Variants in PCLO observed in about 807,000 individuals in gnomAD.
PCLO encodes the protein piccolo presynaptic cytomatrix protein.
PCLO carries 82 observed loss-of-function variants against 427.5 expected under a neutral mutation model. The ratio of observed to expected loss-of-function variants is 0.19; its 90% CI spans 0.16 to 0.23. The LOEUF is 0.23. PCLO is among the 10% of genes least tolerant of loss of function. The pLI, the probability that PCLO is intolerant of heterozygous loss-of-function variation, is 1.00. For synonymous variants in PCLO, 2,357 were observed against 2,155.4 expected (o/e 1.09, Z -2.59); for missense variants, 6,239 against 6,115.9 (o/e 1.02, Z -0.67).
intron 3 of PCLO, among the ~76,000 whole-genome samples, chr7:83,034,339 C>A (rs1325951771): frequency 6.6e-6 from 1 of 152,130 alleles, no homozygotes; most frequent in Admixed American, 6.6e-5. Context: ...CAGGCATGCA[C>A]AACCACACCG....
chr7:83,155,720 C>T lies in PCLO; in HGVS notation c.921G>A (p.Gln307=), dbSNP rs1792274888. 6.2e-7 allele frequency: 1 copy of T among 1,613,768 alleles called. No homozygotes were observed. The highest frequency in any genetic ancestry group is 1.3e-5 in the African/African-American group (1 of 74,890). The change falls in exon 2 of 25, where the codon CAG becomes CAA. Residue 307 remains glutamine, a synonymous_variant. Coordinates refer to ENST00000333891, the MANE Select transcript of PCLO (RefSeq NM_033026.6). ...CTGGAGGTTTTCCAGGAGTTGGTTG[C>T]TGAATAGGTGGTTTGGATGGGCTTG... ...SLPSPSKPPI[Q]QPTPGKPPAQ...
chr7:82,907,264 A>G (rs570660473), intron 8 of PCLO, among the ~76,000 whole-genome samples: 31 of 152,120 alleles, frequency 2.0e-4, no homozygotes, highest in Non-Finnish European at 3.5e-4. Flanking sequence ...CCTGTTTATT[A>G]TATAGTTTAT....
intron 22 of PCLO, among the ~76,000 whole-genome samples, chr7:82,801,258 C>T (rs1791344515): frequency 6.7e-6 from 1 of 148,904 alleles, no homozygotes; most frequent in Admixed American, 6.8e-5. Context: ...GAGTCTTTTT[C>T]ATGTCATCCT....
intron 3 of PCLO, among the ~76,000 whole-genome samples, chr7:83,130,643 C>T (rs1791547917): frequency 2.0e-5 from 3 of 151,892 alleles, no homozygotes; most frequent in Non-Finnish European, 2.9e-5. Context: ...TAAGTAATGG[C>T]CATTAAAGTA....
chr7:83,005,465 G>A (rs2115952114), intron 3 of PCLO, among the ~76,000 whole-genome samples: 1 of 151,700 alleles, frequency 6.6e-6, no homozygotes, highest in South Asian at 2.1e-4. Flanking sequence ...TTTTAGTTAT[G>A]CAGAATGAAT....
chr7:83,100,774 A>G (rs1351969751), intron 3 of PCLO, among the ~76,000 whole-genome samples: 2 of 152,190 alleles, frequency 1.3e-5, no homozygotes, highest in Non-Finnish European at 2.9e-5. Context: ...TTACCTATGT[A>G]ACAAACCTGT....
rs549101792 is a variant in PCLO, at chr7:82,938,888, G to A, written c.11112+10588C>T. ...TTATCAGAAAATGTGTTAAATAGCTGAAGTGGGCAGTCTGAAGTAGAATAA... is the reference window on the plus strand; with the variant it reads ...TTATCAGAAAATGTGTTAAATAGCTAAAGTGGGCAGTCTGAAGTAGAATAA... On this transcript the variant is annotated intron_variant, in intron 6 of 24. Coordinates refer to ENST00000333891, the MANE Select transcript of PCLO (RefSeq NM_033026.6). Among the ~76,000 whole-genome samples the A allele has an allele frequency of 2.0e-5, 3 of 152,156 alleles. No homozygotes were observed. The East Asian group carries it at 5.8e-4, about 29-fold the overall frequency.
At chr7:82,804,189 A>G (rs1791413982) in intron 21 of PCLO, among the ~76,000 whole-genome samples, 1 of 152,194 alleles carries the variant, frequency 6.6e-6, no homozygotes. Context: ...CAGAAGTCAA[A>G]GACCAATGGG....
Position 82,952,190 on chromosome 7 carries a change from G to A in PCLO, c.8763C>T (p.Thr2921=), listed in dbSNP as rs774435448. ...TMDESTSSVM[T]KIIEDEKPVD... is the part of the protein sequence containing the mutation. ...CGGGTTTTTCATCTTCTATTATTTT[G>A]GTCATCACACTTGAAGTAGACTCAT... The change falls in exon 5 of 25, where the codon ACC becomes ACT. Residue 2921 remains threonine (T), a synonymous_variant. Coordinates refer to ENST00000333891, the MANE Select transcript of PCLO (RefSeq NM_033026.6). 5 of 1,613,232 alleles carry A rather than the reference G, an allele frequency of 3.1e-6. No homozygotes were observed. In the East Asian group the frequency reaches 1.1e-4, roughly 36 times the overall value.
chr7:82,892,377 T>C (rs1396501815), intron 9 of PCLO, among the ~76,000 whole-genome samples: 2 of 152,108 alleles, frequency 1.3e-5, no homozygotes, highest in Non-Finnish European at 2.9e-5. Context: ...TAGCCATATG[T>C]AGAAAGCTGA....
At chr7:82,922,443 T>C (rs148466305) in intron 6 of PCLO, among the ~76,000 whole-genome samples, 1 of 151,954 alleles carries the variant, frequency 6.6e-6, no homozygotes. Flanking sequence ...TGTGACAACA[T>C]GAATGGAGCT....
chr7:83,009,241 T>G (rs968519047), intron 3 of PCLO, among the ~76,000 whole-genome samples: 1 of 151,884 alleles, frequency 6.6e-6, no homozygotes, highest in Non-Finnish European at 1.5e-5. Flanking sequence ...TTTTTAGAGA[T>G]AAATAATTTC....
intron 22 of PCLO, among the ~76,000 whole-genome samples, chr7:82,797,880 A>C (rs1791260635): frequency 6.6e-6 from 1 of 152,160 alleles, no homozygotes; most frequent in Non-Finnish European, 1.5e-5. Context: ...AGAGAAAATG[A>C]CTAAGTGGAA....
chr7:83,136,256 T>A (rs1170627482), intron 2 of PCLO, among the ~76,000 whole-genome samples: 1 of 152,160 alleles, frequency 6.6e-6, no homozygotes, highest in East Asian at 1.9e-4. Flanking sequence ...TCCCCAGAAA[T>A]AGAAAACCAT....
At chr7:82,906,062 C>A (rs1450201411) in intron 8 of PCLO, among the ~76,000 whole-genome samples, 3 of 148,274 alleles carry the variant, frequency 2.0e-5, no homozygotes, top group Non-Finnish European at 4.5e-5. Flanking sequence ...TAGGTACACA[C>A]ACACACATAC....
chr7:82,911,440 AT>A (rs143954227), intron 7 of PCLO, among the ~76,000 whole-genome samples: 45 of 150,152 alleles, frequency 3.0e-4, no homozygotes, highest in East Asian at 7.8e-4. Flanking sequence ...GACTAACAGT[AT>A]TTTTTTTTTA....
chr7:82,946,220 G>C (rs1317613358), intron 6 of PCLO, among the ~76,000 whole-genome samples: 2 of 152,106 alleles, frequency 1.3e-5, no homozygotes, highest in African/African-American at 4.8e-5. Context: ...TAAGCAGCCA[G>C]AGTCTTTTCA....
chr7:83,047,008 T>G (rs1480254937), intron 3 of PCLO, among the ~76,000 whole-genome samples: 1 of 152,186 alleles, frequency 6.6e-6, no homozygotes, highest in South Asian at 2.1e-4. Flanking sequence ...TATAGTATCT[T>G]AACCTGTTCT....
At chr7:83,085,109 A>G (rs1229518858) in intron 3 of PCLO, among the ~76,000 whole-genome samples, 2 of 152,114 alleles carry the variant, frequency 1.3e-5, no homozygotes, top group Non-Finnish European at 2.9e-5. Flanking sequence ...TACACTACCA[A>G]TGATGCACAA....
Sources: gnomAD v4.1 joint callset for allele counts (sites outside exome capture counted in the v4.1 genomes callset) on GRCh38, gnomAD v4.1.1 for gene constraint, MANE v1.5 for transcripts, NCBI Gene and HGNC (gene_info 2026-07-23, HGNC 2026-07-21) for gene names.